Variants in PCDHGA6 observed in about 807,000 individuals in gnomAD.
PCDHGA6 encodes the protein protocadherin gamma-A6.
In PCDHGA6, 41 loss-of-function variants were observed where a neutral mutation model predicts 60.6. The ratio of observed to expected loss-of-function variants is 0.68; its 90% confidence interval spans 0.53 to 0.88. The LOEUF (loss-of-function observed/expected upper bound fraction) is 0.88. PCDHGA6 is among the 40% of genes least tolerant of loss of function. The pLI, the probability that PCDHGA6 is intolerant of heterozygous loss-of-function variation, is 0.00. For synonymous variants in PCDHGA6, 594 were observed against 524.4 expected (o/e 1.13, Z -1.81); for missense variants, 1,312 against 1,203.0 (o/e 1.09, Z -1.34).
Position 141,374,564 on chromosome 5 carries a change from G to C in PCDHGA6, c.481G>C (p.Asp161His), listed in dbSNP as rs898196714. ...TCCACTAATGGAGGTCTATGACCCT[G>C]ATGTGGGAATGAACTCCCTTCAGGG... ...RFPLMEVYDP[D>H]VGMNSLQGFK... is the part of the protein sequence containing the mutation. Residue 161 changes from aspartate (D) to histidine (H), a missense_variant, in exon 1 of 4, where the codon GAT (aspartate) becomes CAT (histidine). By Grantham distance (81) the Asp-to-His change is moderately conservative. Transcript: ENST00000517434. 6.2e-6 allele frequency: 10 copies of C among 1,613,616 alleles called. No individual in the cohort carries two copies. The highest frequency in any genetic ancestry group is 1.6e-4 in the Middle Eastern group (1 of 6,084).
intron 1 of PCDHGA6, chr5:141,403,280 G>GT: frequency 6.2e-7 from 1 of 1,613,894 alleles, no homozygotes; most frequent in Non-Finnish European, 8.5e-7. Flanking sequence ...TAAAGTCCTG[G>GT]TTGAAGACAG....
chr5:141,470,869 T>C (rs1215083835), intron 1 of PCDHGA6, among the ~76,000 whole-genome samples: 1 of 151,910 alleles, frequency 6.6e-6, no homozygotes, highest in African/African-American at 2.4e-5. Context: ...TTTGTTTGTT[T>C]GTTTTTTTGT....
chr5:141,466,933 C>A (rs1305734739), intron 1 of PCDHGA6, among the ~76,000 whole-genome samples: 1 of 152,100 alleles, frequency 6.6e-6, no homozygotes, highest in Non-Finnish European at 1.5e-5. Context: ...GAATATTAGT[C>A]CTTTGTCCAG....
chr5:141,482,546 A>C (rs1489817593), intron 1 of PCDHGA6, among the ~76,000 whole-genome samples: 1 of 151,868 alleles, frequency 6.6e-6, no homozygotes, highest in African/African-American at 2.4e-5. Context: ...AAAAAAAAAA[A>C]AAAGATAATG....
chr5:141,418,586 A>C lies in PCDHGA6; in HGVS notation c.2424+42079A>C, dbSNP rs1422171892. ...TGCCAATGACAACCCCCCAGTGTTC[A>C]GCCAGGACGTGTACAGGGTTAGCCT... On this transcript the variant is annotated intron_variant, in intron 1 of 3. Transcript: ENST00000517434. The C allele has an allele frequency of 1.9e-6, 3 of 1,613,930 alleles. No individual in the cohort carries two copies. In the Admixed American group the frequency reaches 5.0e-5, roughly 27 times the overall value.
intron 1 of PCDHGA6, chr5:141,394,424 C>G (rs781695042): frequency 6.2e-7 from 1 of 1,614,222 alleles, no homozygotes; most frequent in East Asian, 2.2e-5. Flanking sequence ...CCAGCGACAG[C>G]GGGGACCCGC....
intron 1 of PCDHGA6, chr5:141,423,311 T>G: frequency 2.5e-6 from 4 of 1,614,134 alleles, no homozygotes; most frequent in Non-Finnish European, 3.4e-6. Flanking sequence ...CTGTACTTGG[T>G]GGTGGCGGTG....
At chr5:141,426,033 C>G (rs978171140) in intron 1 of PCDHGA6, among the ~76,000 whole-genome samples, 14 of 152,162 alleles carry the variant, frequency 9.2e-5, no homozygotes, top group African/African-American at 3.1e-4. Context: ...AGACTCAGAG[C>G]CCTGCTGTTG....
rs1395688351 is a variant in PCDHGA6 at position 141,485,907 on chromosome 5, C to A, written c.2425-8900C>A. On this transcript the variant is annotated intron_variant, in intron 1 of 3. Coordinates refer to ENST00000517434, the MANE Select transcript of PCDHGA6 (RefSeq NM_018919.3). The surrounding 1 kb of genome is among the most constrained non-coding windows in gnomAD (Gnocchi z 5.7). ...GACAACGCCCCAGCCTTCCAGCAAT[C>A]CAGCTACAGGATTAGTGTGTTGGAG... is the stretch of plus-strand genomic sequence containing the variant. 6.2e-7 allele frequency: 1 copy of A among 1,614,176 alleles called. No homozygotes were observed.
chr5:141,503,222 G>T (rs540244346), intron 2 of PCDHGA6, among the ~76,000 whole-genome samples: 1 of 152,120 alleles, frequency 6.6e-6, no homozygotes, highest in East Asian at 1.9e-4. Context: ...CATGAGCACC[G>T]TAAAGATGGA....
At chr5:141,380,405 G>A (rs1258156706) in intron 1 of PCDHGA6, among the ~76,000 whole-genome samples, 2 of 152,114 alleles carry the variant, frequency 1.3e-5, no homozygotes, top group African/African-American at 4.8e-5. Flanking sequence ...TAATCAATTC[G>A]ATGCCCAGGA....
intron 2 of PCDHGA6, among the ~76,000 whole-genome samples, chr5:141,500,184 T>TTTTTTTTA (rs1554186429): frequency 7.8e-4 from 106 of 135,966 alleles, no homozygotes; most frequent in African/African-American, 2.4e-3. Context: ...TCATTTTTAT[T>TTTTTTTTA]TTTATTTATT....
At chr5:141,505,852 G>A (rs2099848673) in intron 3 of PCDHGA6, among the ~76,000 whole-genome samples, 1 of 152,140 alleles carries the variant, frequency 6.6e-6, no homozygotes, top group African/African-American at 2.4e-5. Context: ...TAGAAAGTGG[G>A]GACAGGGACC....
chr5:141,440,878 C>A (rs1359689557), intron 1 of PCDHGA6: 1 of 152,146 alleles, frequency 6.6e-6, no homozygotes, highest in Non-Finnish European at 1.5e-5. Context: ...TGTACAGCGT[C>A]GGCCTTCAGG....
chr5:141,500,445 G>A (rs1319009998), intron 2 of PCDHGA6, among the ~76,000 whole-genome samples: 1 of 151,816 alleles, frequency 6.6e-6, no homozygotes, highest in Non-Finnish European at 1.5e-5. Flanking sequence ...TCCTGACCTC[G>A]TGATCCGCCC....
intron 1 of PCDHGA6, among the ~76,000 whole-genome samples, chr5:141,382,559 C>T (rs1588920623): frequency 1.3e-5 from 2 of 152,238 alleles, no homozygotes; most frequent in East Asian, 1.9e-4. Context: ...ATATCTAGAG[C>T]AAAGAAATCT....
intron 2 of PCDHGA6, among the ~76,000 whole-genome samples, chr5:141,501,334 C>T (rs1462003251): frequency 6.9e-6 from 1 of 145,376 alleles, no homozygotes; most frequent in Non-Finnish European, 1.5e-5. Context: ...CACACACACA[C>T]CCCAAACTCA....
At chr5:141,465,742 A>G (rs1425097489) in intron 1 of PCDHGA6, among the ~76,000 whole-genome samples, 1 of 151,214 alleles carries the variant, frequency 6.6e-6, no homozygotes, top group Non-Finnish European at 1.5e-5. Flanking sequence ...TGTTTTCAGG[A>G]TCAGACTGGT....
intron 1 of PCDHGA6, chr5:141,399,208 C>G: frequency 6.2e-7 from 1 of 1,613,958 alleles, no homozygotes; most frequent in Non-Finnish European, 8.5e-7. Context: ...GCCTGGAACA[C>G]TAATTGCTTT....
Sources: gnomAD v4.1 joint callset for allele counts (sites outside exome capture counted in the v4.1 genomes callset) on GRCh38, gnomAD v4.1.1 for gene constraint, Gnocchi (gnomAD v3.1) non-coding constraint, MANE v1.5 for transcripts, NCBI Gene and HGNC (gene_info 2026-07-23, HGNC 2026-07-21) for gene names.